The following SULT1B1 variants were observed in gnomAD, a reference collection of about 807,000 sequenced individuals.
SULT1B1 encodes the protein sulfotransferase family 1B member 1.
Under a neutral mutation model 34.6 loss-of-function variants are expected in SULT1B1, and 28 were observed. That is an observed-to-expected ratio of 0.81 (90% CI 0.60 to 1.11). The LOEUF is 1.11. Ranked by LOEUF, SULT1B1 falls within the 50% of genes least tolerant of loss-of-function variation. The pLI, the probability that SULT1B1 is intolerant of heterozygous loss-of-function variation, is 0.00. For synonymous variants in SULT1B1, 147 were observed against 110.2 expected (o/e 1.33, Z -2.09); for missense variants, 374 against 352.2 (o/e 1.06, Z -0.50).
chr4:69,752,726 G>C (rs763427180), intron 3 of SULT1B1, among the ~76,000 whole-genome samples: 1 of 152,198 alleles, frequency 6.6e-6, no homozygotes, highest in Non-Finnish European at 1.5e-5. Flanking sequence ...GAAGTAACTA[G>C]TTCAGTCAGC....
rs758605923 is a variant in SULT1B1 at position 69,734,145 on chromosome 4, AG to A, written c.494del (p.Thr165MetfsTer33). 3 of 1,608,338 alleles carry A rather than the reference AG, an allele frequency of 1.9e-6. No individual in the cohort carries two copies. Among genetic ancestry groups the A allele is most frequent in the Non-Finnish European group, 2.5e-6 (3 of 1,177,114 alleles). On this transcript the variant is annotated frameshift_variant, in exon 5 of 8. Coordinates refer to ENST00000310613, the MANE Select transcript of SULT1B1 (RefSeq NM_014465.4). LOFTEE classifies it high-confidence loss of function. The stretch of plus-strand genomic sequence containing the variant: ...AAGATAAAGTCCACATACCTTTTCC[AG>A]TTAAGAATTTCTCCAGATATTCTTC... Reference protein sequence around the residue: ...TWEEYLEKFLTGKVAYGSWFT... With the variant: ...TWEEYLEKFLXGKVAYGSWFT...
intron 4 of SULT1B1, among the ~76,000 whole-genome samples, chr4:69,736,425 A>G (rs1718313292): frequency 6.6e-6 from 1 of 152,180 alleles, no homozygotes; most frequent in Non-Finnish European, 1.5e-5. Context: ...TGGTGGATTC[A>G]AAAGAGATCC....
At position 69,726,057 on chromosome 4, in the gene SULT1B1, T is replaced by TAC. The variant is rs1717826776; in HGVS notation, c.*1030_*1031insGT. 1 of 93,686 alleles carries TAC rather than the reference T, an allele frequency of 1.1e-5. No homozygotes were observed. Among genetic ancestry groups the TAC allele is most frequent in the Non-Finnish European group, 2.1e-5 (1 of 46,676 alleles). 5.8% of individuals were successfully genotyped at this position (93,686 alleles called of 1,614,324 possible). Reference sequence around the variant, plus strand: ...ACATATATATATATATATATATATATATATATATATATATATATATATATA... The same window carrying TAC: ...ACATATATATATATATATATATATATACATATATATATATATATATATATATA... On this transcript the variant is annotated 3_prime_UTR_variant, in exon 8 of 8. Transcript: ENST00000310613.
At chr4:69,758,727 T>TA (rs1578072722) in intron 1 of SULT1B1, among the ~76,000 whole-genome samples, 1 of 152,350 alleles carries the variant, frequency 6.6e-6, no homozygotes, top group African/African-American at 2.4e-5. Flanking sequence ...ATTCCCCATG[T>TA]AGCAAGTAGC....
At position 69,734,276 on chromosome 4, in the gene SULT1B1, G is replaced by A. The variant is rs760410857; in HGVS notation, c.376-12C>T. On this transcript the variant is annotated splice_polypyrimidine_tract_variant and intron_variant, in intron 4 of 7. Transcript: ENST00000310613. ...GCCAGATAAATCATCTGCAGTGGGGGGTGGGGGTAGGAGAAAAAAATAAGA... is the reference window on the plus strand; with the variant it reads ...GCCAGATAAATCATCTGCAGTGGGGAGTGGGGGTAGGAGAAAAAAATAAGA... The A allele has an allele frequency of 6.9e-6, 11 of 1,604,794 alleles. No homozygotes were observed. In the Admixed American group the frequency reaches 1.4e-4, roughly 20 times the overall value.
In SULT1B1 at chr4:69,724,955, G is replaced by T. The variant is rs1243020934; in HGVS notation, c.*2133C>A. Reference sequence around the variant, plus strand: ...CTAGGCAATATCATTCAGGACATAGGCATGGGCAAGGACTTCATGTCTAAA... The same window carrying T: ...CTAGGCAATATCATTCAGGACATAGTCATGGGCAAGGACTTCATGTCTAAA... On this transcript the variant is annotated 3_prime_UTR_variant, in exon 8 of 8. Transcript: ENST00000310613. 1.3e-5 allele frequency: 2 copies of T among 152,010 alleles called. No individual in the cohort carries two copies. Among genetic ancestry groups the T allele is most frequent in the Non-Finnish European group, 2.9e-5 (2 of 68,010 alleles). The allele number at this position is 152,010 out of a possible 1,614,324, so 9.4% of individuals were successfully genotyped here.
chr4:69,731,022 G>A (rs371496818), intron 6 of SULT1B1, among the ~76,000 whole-genome samples: 2 of 152,190 alleles, frequency 1.3e-5, no homozygotes, highest in African/African-American at 4.8e-5. Context: ...AGATGGACAG[G>A]CAAATAGAGA....
chr4:69,745,293 T>C (rs1422239291), intron 4 of SULT1B1, among the ~76,000 whole-genome samples: 2 of 152,194 alleles, frequency 1.3e-5, no homozygotes, highest in Non-Finnish European at 2.9e-5. Context: ...TCTGACACTG[T>C]CAGTGTGGTG....
In SULT1B1 at chr4:69,723,826, C is replaced by A. The variant is rs1024153644; in HGVS notation, c.*3262G>T. 7 of 152,072 alleles carry A rather than the reference C, an allele frequency of 4.6e-5. No individual in the cohort carries two copies. The highest frequency in any genetic ancestry group is 8.8e-5 in the Non-Finnish European group (6 of 68,000). 9.4% of individuals were successfully genotyped at this position (152,072 alleles called of 1,614,324 possible). A position where few individuals can be genotyped will look rare whatever the true frequency, so the allele number is the denominator to read the frequency against. Reference sequence around the variant, plus strand: ...AAAGGCCTTTGACAAAATTCAACAGCCTTCATGCTAAAAACTCTCAATAAA... The same window carrying A: ...AAAGGCCTTTGACAAAATTCAACAGACTTCATGCTAAAAACTCTCAATAAA... On this transcript the variant is annotated 3_prime_UTR_variant, in exon 8 of 8. Coordinates refer to ENST00000310613, the MANE Select transcript of SULT1B1 (RefSeq NM_014465.4).
rs985328318 is a variant in SULT1B1 at position 69,726,391 on chromosome 4, A to C, written c.*697T>G. On this transcript the variant is annotated 3_prime_UTR_variant, in exon 8 of 8. Coordinates refer to ENST00000310613, the MANE Select transcript of SULT1B1 (RefSeq NM_014465.4). The stretch of plus-strand genomic sequence containing the variant: ...TCTGTTGGGAAAAAGAGGACTCCCC[A>C]TAAGAAGTAGGTCACAGCCCTCAGG... 1 of 151,940 alleles carries C rather than the reference A, an allele frequency of 6.6e-6. No homozygotes were observed. The highest frequency in any genetic ancestry group is 2.4e-5 in the African/African-American group (1 of 41,386). The allele number at this position is 151,940 out of a possible 1,614,324, so 9.4% of individuals were successfully genotyped here. A position where few individuals can be genotyped will look rare whatever the true frequency, so the allele number is the denominator to read the frequency against.
intron 1 of SULT1B1, chr4:69,758,504 C>T (rs1368461767): frequency 1.0e-6 from 1 of 981,628 alleles, no homozygotes; most frequent in Non-Finnish European, 1.2e-6. Context: ...AGGGAAATAT[C>T]AATGGCACAC....
At chr4:69,737,046 A>G (rs1410493995) in intron 4 of SULT1B1, among the ~76,000 whole-genome samples, 1 of 152,058 alleles carries the variant, frequency 6.6e-6, no homozygotes, top group African/African-American at 2.4e-5. Flanking sequence ...TATGTCAAGA[A>G]ACATCATAAA....
In SULT1B1 at chr4:69,738,929, C is replaced by A. The variant is rs79108129; in HGVS notation, c.376-4665G>T. 8.7e-3 allele frequency among the ~76,000 whole-genome samples: 1,324 copies of A among 152,232 alleles called. 37 individuals are homozygous for A. Among genetic ancestry groups the A allele is most frequent in the East Asian group, 0.081 (422 of 5,186 alleles). ...AAGGGGCTAGAGGCTCCATTCAAGA[C>A]AAATCCAATGGGGCAGTCAATAAAC... On this transcript the variant is annotated intron_variant, in intron 4 of 7. Transcript: ENST00000310613.
At chr4:69,742,877 A>G (rs1327388317) in intron 4 of SULT1B1, among the ~76,000 whole-genome samples, 2 of 152,220 alleles carry the variant, frequency 1.3e-5, no homozygotes, top group Admixed American at 1.3e-4. Flanking sequence ...GCATGGCCCC[A>G]GCCTCATGGC....
chr4:69,730,779 A>T (rs1718050649), intron 6 of SULT1B1, 98 bp from the exon 7 acceptor site: 1 of 1,056,264 alleles, frequency 9.5e-7, no homozygotes, highest in Non-Finnish European at 1.4e-6. Flanking sequence ...GTTGACTCTG[A>T]ATAGTATAGG....
rs930683765 is a variant in SULT1B1, at chr4:69,724,548, G to C, written c.*2540C>G. The C allele has an allele frequency of 2.0e-5, 3 of 152,136 alleles. No homozygotes were observed. The highest frequency in any genetic ancestry group is 4.4e-5 in the Non-Finnish European group (3 of 68,040). The allele number at this position is 152,136 out of a possible 1,614,324, so 9.4% of individuals were successfully genotyped here. A position where few individuals can be genotyped will look rare whatever the true frequency, so the allele number is the denominator to read the frequency against. On this transcript the variant is annotated 3_prime_UTR_variant, in exon 8 of 8. Coordinates refer to ENST00000310613, the MANE Select transcript of SULT1B1 (RefSeq NM_014465.4). ...TTAAAGTTCATAAGAAACCAAAAAA[G>C]AGCCCGCATTGCCAAGTCAATCCTA...
intron 4 of SULT1B1, among the ~76,000 whole-genome samples, chr4:69,737,455 C>T (rs961095410): frequency 1.3e-5 from 2 of 152,142 alleles, no homozygotes; most frequent in Non-Finnish European, 2.9e-5. Context: ...TAGCTAATCA[C>T]TCACCCAATG....
In SULT1B1 at chr4:69,723,452, A is replaced by C. The variant is rs188625960; in HGVS notation, c.*3636T>G. The C allele has an allele frequency of 1.3e-5, 2 of 152,452 alleles. No homozygotes were observed. The highest frequency in any genetic ancestry group is 3.9e-4 in the East Asian group (2 of 5,188). The allele number at this position is 152,452 out of a possible 1,614,324, so 9.4% of individuals were successfully genotyped here. A position where few individuals can be genotyped will look rare whatever the true frequency, so the allele number is the denominator to read the frequency against. On this transcript the variant is annotated 3_prime_UTR_variant, in exon 8 of 8. Coordinates refer to ENST00000310613, the MANE Select transcript of SULT1B1 (RefSeq NM_014465.4). ...GCTGAATTCTACCAGAGGTCCAAGG[A>C]GGAGCTGGTACCATTCCTTCTGAAA...
chr4:69,738,225 GTGTATACAC>G (rs1718395818), intron 4 of SULT1B1, among the ~76,000 whole-genome samples: 1 of 152,150 alleles, frequency 6.6e-6, no homozygotes, highest in African/African-American at 2.4e-5. Context: ...GTATTCCGTG[GTGTATACAC>G]ACCACATTTT....
Sources: gnomAD v4.1 joint callset for allele counts (sites outside exome capture counted in the v4.1 genomes callset) on GRCh38, gnomAD v4.1.1 for gene constraint, MANE v1.5 for transcripts, NCBI Gene and HGNC (gene_info 2026-07-23, HGNC 2026-07-21) for gene names.